Variants in ANO3 observed in about 807,000 individuals in gnomAD.
The protein encoded by ANO3 is anoctamin-3.
In ANO3, 99 loss-of-function variants were observed where a neutral mutation model predicts 144.8. The observed-to-expected ratio is 0.68, with a 90% confidence interval of 0.58 to 0.81. The LOEUF is 0.81. ANO3 is among the 30% of genes least tolerant of loss of function. ANO3 has a pLI of 0.00. For missense variants in ANO3, 905 were observed against 1,202.2 expected (o/e 0.75, Z 3.66); for synonymous variants, 414 against 392.6 (o/e 1.05, Z -0.64).
chr11:26,491,855 GA>G (rs1045991548), intron 4 of ANO3, among the ~76,000 whole-genome samples: 10 of 151,408 alleles, frequency 6.6e-5, no homozygotes, highest in African/African-American at 1.7e-4. Flanking sequence ...GAAGTTTTCT[GA>G]AAAAAAATAT....
chr11:26,593,580 G>A (rs942318356), intron 14 of ANO3, among the ~76,000 whole-genome samples: 9 of 152,244 alleles, frequency 5.9e-5, no homozygotes, highest in Non-Finnish European at 1.0e-4. Flanking sequence ...CGCTTGCCCT[G>A]GGCACCCTCA....
At chr11:26,338,882 C>T (rs899928403) in intron 1 of ANO3, among the ~76,000 whole-genome samples, 1 of 152,224 alleles carries the variant, frequency 6.6e-6, no homozygotes, top group Non-Finnish European at 1.5e-5. Context: ...CTGTAACACT[C>T]ACCGCGAGGG....
At position 26,544,273 on chromosome 11, in the gene ANO3, T is replaced by TATATATATATATATACACACAC; in HGVS notation, c.1154+2206_1154+2207insTATATATATATATACACACACA. On this transcript the variant is annotated intron_variant, in intron 11 of 26. Transcript: ENST00000256737. Reference sequence around the variant, plus strand: ...ATACATATATATATATATATATATATACACACATACACACACACACACACA... The same window carrying TATATATATATATATACACACAC: ...ATACATATATATATATATATATATATATATATATATATATACACACACACACACATACACACACACACACACA... 9.4e-3 allele frequency among the ~76,000 whole-genome samples: 551 copies of TATATATATATATATACACACAC among 58,410 alleles called. 24 individuals carry two copies. Among genetic ancestry groups the TATATATATATATATACACACAC allele is most frequent in the East Asian group, 0.036 (31 of 858 alleles). The allele number at this position is 58,410 out of a possible 152,430, so 38.3% of individuals were successfully genotyped here.
Position 26,454,485 on chromosome 11 carries a change from G to A in ANO3, c.314-8545G>A, listed in dbSNP as rs552102926. ...TAAACTAGAAAATCTAGAAGAAATG[G>A]ATAAATTCCTCAACATATATGCTCT... On this transcript the variant is annotated intron_variant, in intron 3 of 26. Transcript: ENST00000256737. 2.6e-5 allele frequency among the ~76,000 whole-genome samples: 4 copies of A among 152,252 alleles called. No homozygotes were observed. The East Asian group carries it at 5.8e-4, about 22-fold the overall frequency.
At chr11:26,583,512 C>T (rs952098696) in intron 14 of ANO3, among the ~76,000 whole-genome samples, 5 of 152,042 alleles carry the variant, frequency 3.3e-5, no homozygotes, top group East Asian at 3.9e-4. Flanking sequence ...CAAAATCTGC[C>T]GCTGCACACA....
Position 26,508,193 on chromosome 11 carries a change from T to C in ANO3, c.522T>C (p.Asn174=). 1 of 1,605,656 alleles carries C rather than the reference T, an allele frequency of 6.2e-7. No homozygotes were observed. Among genetic ancestry groups the C allele is most frequent in the Non-Finnish European group, 8.5e-7 (1 of 1,177,568 alleles). ...ACATCTTGGTTTATAGAAAGACAAATATACAATATGATAAAAGAAACACAT... is the reference window on the plus strand; with the variant it reads ...ACATCTTGGTTTATAGAAAGACAAACATACAATATGATAAAAGAAACACAT... ...IDYILVYRKT[N]IQYDKRNTFE... Residue 174 remains asparagine (N), a synonymous_variant, in exon 5 of 27, where the codon AAT becomes AAC. Coordinates refer to ENST00000256737, the MANE Select transcript of ANO3 (RefSeq NM_031418.4).
intron 1 of ANO3, among the ~76,000 whole-genome samples, chr11:26,360,679 G>C (rs1855902170): frequency 6.6e-6 from 1 of 152,074 alleles, no homozygotes; most frequent in Non-Finnish European, 1.5e-5. Context: ...GCTTAGTAAA[G>C]GTCTCATGGA....
At chr11:26,211,167 A>T (rs1283286425) in intron 1 of ANO3, among the ~76,000 whole-genome samples, 2 of 152,184 alleles carry the variant, frequency 1.3e-5, no homozygotes, top group Non-Finnish European at 2.9e-5. Context: ...CTCTTAGAAC[A>T]CAGTGCAATC....
intron 18 of ANO3, among the ~76,000 whole-genome samples, chr11:26,633,783 C>T (rs1329700014): frequency 1.3e-5 from 2 of 152,010 alleles, no homozygotes; most frequent in African/African-American, 2.4e-5. Context: ...CCTCATAGAA[C>T]TAAAAAACTT....
At chr11:26,245,920 T>C (rs908234849) in intron 1 of ANO3, among the ~76,000 whole-genome samples, 1 of 152,216 alleles carries the variant, frequency 6.6e-6, no homozygotes, top group African/African-American at 2.4e-5. Context: ...TCTGTCCAGA[T>C]GGGTTGACAG....
chr11:26,547,945 C>T (rs1849830662), intron 12 of ANO3, among the ~76,000 whole-genome samples: 2 of 151,760 alleles, frequency 1.3e-5, no homozygotes, highest in Non-Finnish European at 2.9e-5. Flanking sequence ...TTCCAAATAC[C>T]TTGTTTCATT....
At position 26,365,044 on chromosome 11, in the gene ANO3, G is replaced by T. The variant is rs1856028744; in HGVS notation, c.46+32723G>T. 2.0e-5 allele frequency among the ~76,000 whole-genome samples: 3 copies of T among 152,166 alleles called. No individual in the cohort carries two copies. The South Asian group carries it at 6.2e-4, about 31-fold the overall frequency. ...GTTATTTACTTCCAAGATACAATGG[G>T]GGTATTGGCATTGGTAAACATACCC... On this transcript the variant is annotated intron_variant, in intron 1 of 26. Coordinates refer to ENST00000256737, the MANE Select transcript of ANO3 (RefSeq NM_031418.4).
chr11:26,219,018 A>C (rs1367197815), intron 1 of ANO3, among the ~76,000 whole-genome samples: 1 of 152,184 alleles, frequency 6.6e-6, no homozygotes, highest in Non-Finnish European at 1.5e-5. Flanking sequence ...CTCTGTTGGC[A>C]GTTTTGGTGA....
chr11:26,215,569 G>C (rs997814117), intron 1 of ANO3, among the ~76,000 whole-genome samples: 1 of 151,816 alleles, frequency 6.6e-6, no homozygotes, highest in Non-Finnish European at 1.5e-5. Flanking sequence ...AAAAACTCTG[G>C]TTCCTTTTAT....
chr11:26,537,099 A>G (rs1484567156), intron 9 of ANO3, among the ~76,000 whole-genome samples: 1 of 152,088 alleles, frequency 6.6e-6, no homozygotes, highest in African/African-American at 2.4e-5. Context: ...GAGAAAAACA[A>G]AAAGTTGCTT....
At chr11:26,659,412 G>A (rs1208242509) in intron 26 of ANO3, among the ~76,000 whole-genome samples, 2 of 150,880 alleles carry the variant, frequency 1.3e-5, no homozygotes, top group African/African-American at 2.4e-5. Flanking sequence ...TCAAAATATC[G>A]GCCAGGAGCA....
chr11:26,522,174 A>T (rs1279097334), intron 6 of ANO3, among the ~76,000 whole-genome samples: 2 of 151,988 alleles, frequency 1.3e-5, no homozygotes, highest in Non-Finnish European at 2.9e-5. Flanking sequence ...ACAGAGCGAG[A>T]CTCCATCTCA....
At chr11:26,300,490 A>C (rs1854202198) in intron 1 of ANO3, among the ~76,000 whole-genome samples, 1 of 152,214 alleles carries the variant, frequency 6.6e-6, no homozygotes, top group Non-Finnish European at 1.5e-5. Context: ...AGAAGAATCG[A>C]GACACACCAA....
chr11:26,660,313 C>T lies in ANO3; in HGVS notation c.2815C>T (p.Pro939Ser). Reference protein sequence around the residue: ...SFIAYLIPDVPKGLHDRIRRE... With the variant: ...SFIAYLIPDVSKGLHDRIRRE... ...CATCGCATACCTGATTCCAGACGTA[C>T]CAAAGGGTCTACATGACCGAATACG... Residue 939 changes from proline to serine, a missense_variant, in exon 27 of 27, where the codon CCA (proline) becomes TCA (serine). Pro to Ser is a moderately conservative substitution (Grantham distance 74, BLOSUM62 -1). Coordinates refer to ENST00000256737, the MANE Select transcript of ANO3 (RefSeq NM_031418.4). The T allele has an allele frequency of 6.2e-7, 1 of 1,613,296 alleles. No individual in the cohort carries two copies. The highest frequency in any genetic ancestry group is 1.1e-5 in the South Asian group (1 of 90,914).
Sources: allele counts gnomAD v4.1 joint callset (sites outside exome capture counted in the v4.1 genomes callset), GRCh38; gene constraint gnomAD v4.1.1; transcripts MANE v1.5; gene names NCBI Gene and HGNC (gene_info 2026-07-23, HGNC 2026-07-21).